Variants in CTNNBL1 observed in about 807,000 individuals in gnomAD.
The protein encoded by CTNNBL1 is catenin beta like 1.
In CTNNBL1, 31 loss-of-function variants were observed where a neutral mutation model predicts 72.7. That is an observed-to-expected ratio of 0.43 (90% CI 0.32 to 0.58). The LOEUF (loss-of-function observed/expected upper bound fraction) is 0.58. Among genes scored for constraint, CTNNBL1 ranks in the 20% least tolerant of loss-of-function variants. The pLI is 0.08. For missense variants in CTNNBL1, 534 were observed against 725.1 expected, an observed-to-expected ratio of 0.74 and a Z score of 3.03; for synonymous variants, 240 against 267.3, an observed-to-expected ratio of 0.90 and a Z score of 1.00.
chr20:37,780,778 C>G (rs2073618785), intron 10 of CTNNBL1, among the ~76,000 whole-genome samples: 2 of 152,138 alleles, frequency 1.3e-5, no homozygotes, highest in Non-Finnish European at 2.9e-5. Flanking sequence ...GAAACCATAA[C>G]TTTAAGCGAA....
intron 2 of CTNNBL1, among the ~76,000 whole-genome samples, chr20:37,736,081 T>C (rs570590313): frequency 3.3e-5 from 5 of 152,372 alleles, no homozygotes; most frequent in Admixed American, 3.3e-4. Flanking sequence ...TATTCCAATG[T>C]ATGAAGCCAG....
At chr20:37,774,460 C>T (rs1488724251) in intron 7 of CTNNBL1, among the ~76,000 whole-genome samples, 2 of 152,152 alleles carry the variant, frequency 1.3e-5, no homozygotes, top group African/African-American at 2.4e-5. Context: ...GGGGAGTTAT[C>T]GGGCCTCATC....
intron 1 of CTNNBL1, among the ~76,000 whole-genome samples, chr20:37,695,343 C>T (rs1195860262): frequency 6.6e-6 from 1 of 152,104 alleles, no homozygotes; most frequent in East Asian, 1.9e-4. Context: ...TGCAGGCAGG[C>T]ATCACTATGC....
intron 15 of CTNNBL1, among the ~76,000 whole-genome samples, chr20:37,865,872 A>C (rs1245345482): frequency 6.6e-6 from 1 of 152,218 alleles, no homozygotes; most frequent in African/African-American, 2.4e-5. Context: ...CAGAAACTTA[A>C]ATGCTTTTAG....
At chr20:37,779,438 T>C in intron 10 of CTNNBL1, 103 bp downstream of exon 10, 3 of 1,349,326 alleles carry the variant, frequency 2.2e-6, no homozygotes, top group Non-Finnish European at 3.1e-6. Context: ...CTGTTGGGTT[T>C]CCTAGACTTT....
At chr20:37,861,519 G>A (rs923953438) in intron 15 of CTNNBL1, among the ~76,000 whole-genome samples, 1 of 152,184 alleles carries the variant, frequency 6.6e-6, no homozygotes, top group Non-Finnish European at 1.5e-5. Context: ...TGTTCACCTC[G>A]GGCCCTCATT....
In CTNNBL1 at chr20:37,732,919, A is replaced by T. The variant is rs940777388; in HGVS notation, c.71A>T (p.Glu24Val). ...GTKRPRDDEEEEQKMRRKQTG... is the reference protein window; with the variant it reads ...GTKRPRDDEEVEQKMRRKQTG... ...AAACGTCCCCGGGATGATGAAGAGG[A>T]GGAGCAGAAGATGCGTCGGAAACAA... Residue 24 changes from glutamate to valine, a missense_variant, in exon 2 of 16, where the codon GAG becomes GTG. By Grantham distance (121) the Glu-to-Val change is moderately radical. Transcript: ENST00000361383. 1 of 1,613,884 alleles carries T rather than the reference A, an allele frequency of 6.2e-7. No individual in the cohort carries two copies. The highest frequency in any genetic ancestry group is 1.7e-5 in the Admixed American group (1 of 60,000).
intron 13 of CTNNBL1, among the ~76,000 whole-genome samples, chr20:37,846,400 G>T (rs2072347751): frequency 6.6e-6 from 1 of 152,110 alleles, no homozygotes; most frequent in South Asian, 2.1e-4. Flanking sequence ...CCGACTGTGG[G>T]CAAACAGTTG....
intron 10 of CTNNBL1, among the ~76,000 whole-genome samples, chr20:37,789,330 G>C (rs566273200): frequency 1.1e-4 from 16 of 152,226 alleles, no homozygotes; most frequent in Non-Finnish European, 2.2e-4. Context: ...TTAGGTTACA[G>C]TAAGGATGTT....
intron 5 of CTNNBL1, among the ~76,000 whole-genome samples, chr20:37,764,785 C>A (rs1568769887): frequency 6.6e-6 from 1 of 152,124 alleles, no homozygotes; most frequent in East Asian, 1.9e-4. Flanking sequence ...GTGCATTGGC[C>A]TAAAGACGTG....
At chr20:37,703,662 G>C (rs913193497) in intron 1 of CTNNBL1, among the ~76,000 whole-genome samples, 2 of 152,032 alleles carry the variant, frequency 1.3e-5, no homozygotes, top group Non-Finnish European at 2.9e-5. Flanking sequence ...TTCCTCCCCT[G>C]CCTATCCCCA....
intron 4 of CTNNBL1, 113 bp downstream of exon 4, chr20:37,746,720 C>T (rs1368002139): frequency 6.9e-6 from 9 of 1,307,336 alleles, no homozygotes; most frequent in Non-Finnish European, 9.9e-6. Context: ...TGTTCTGTTT[C>T]CATTCTAATT....
At chr20:37,769,120 A>T (rs1170845467) in intron 7 of CTNNBL1, among the ~76,000 whole-genome samples, 2 of 152,224 alleles carry the variant, frequency 1.3e-5, no homozygotes, top group African/African-American at 4.8e-5. Flanking sequence ...TAGGAAAAAA[A>T]CATAGTAAAT....
chr20:37,851,806 G>T (rs1301060615), intron 13 of CTNNBL1, among the ~76,000 whole-genome samples: 1 of 152,190 alleles, frequency 6.6e-6, no homozygotes, highest in Non-Finnish European at 1.5e-5. Context: ...GTAAGGACTC[G>T]AGAAATTTCA....
At chr20:37,844,362 C>T (rs959121034) in intron 13 of CTNNBL1, among the ~76,000 whole-genome samples, 2 of 152,126 alleles carry the variant, frequency 1.3e-5, no homozygotes, top group African/African-American at 4.8e-5. Flanking sequence ...CAAGGTGATC[C>T]AACCCCTCAA....
At chr20:37,766,797 C>G (rs184779042) in intron 6 of CTNNBL1, among the ~76,000 whole-genome samples, 2 of 152,218 alleles carry the variant, frequency 1.3e-5, no homozygotes, top group Non-Finnish European at 1.5e-5. Flanking sequence ...AATGGAAGAC[C>G]TTGTAAACCA....
chr20:37,795,370 C>G (rs1336461017), intron 10 of CTNNBL1, among the ~76,000 whole-genome samples: 2 of 152,058 alleles, frequency 1.3e-5, no homozygotes, highest in Non-Finnish European at 2.9e-5. Flanking sequence ...CCCAGTTGGA[C>G]AGTTATAGTT....
At chr20:37,866,061 G>A (rs1462663166) in intron 15 of CTNNBL1, among the ~76,000 whole-genome samples, 1 of 152,256 alleles carries the variant, frequency 6.6e-6, no homozygotes, top group Non-Finnish European at 1.5e-5. Flanking sequence ...GCATGTGCGT[G>A]GCTTGCGCCT....
At position 37,871,807 on chromosome 20, in the gene CTNNBL1, G is replaced by A. The variant is rs1032255200; in HGVS notation, c.1604-118G>A. The stretch of plus-strand genomic sequence containing the variant: ...CCCAAGGAATTTGGCTACAGTGGGG[G>A]CATTAGGGCGACTTGCACCTCTGTG... On this transcript the variant is annotated intron_variant, in intron 15 of 15. Coordinates refer to ENST00000361383, the MANE Select transcript of CTNNBL1 (RefSeq NM_030877.5). 8 of 818,056 alleles carry A rather than the reference G, an allele frequency of 9.8e-6. No individual in the cohort carries two copies. The African/African-American group carries it at 1.2e-4, about 12-fold the overall frequency. 50.7% of individuals were successfully genotyped at this position (818,056 alleles called of 1,614,324 possible). A position where few individuals can be genotyped will look rare whatever the true frequency, so the allele number is the denominator to read the frequency against.
Sources: allele counts gnomAD v4.1 joint callset (sites outside exome capture counted in the v4.1 genomes callset), GRCh38; gene constraint gnomAD v4.1.1; transcripts MANE v1.5; gene names NCBI Gene and HGNC (gene_info 2026-07-23, HGNC 2026-07-21).